CTIF: variants seen among roughly 807,000 people sequenced by gnomAD.
The protein encoded by CTIF is cap binding complex dependent translation initiation factor.
In CTIF, 21 loss-of-function variants were observed where a neutral mutation model predicts 66.0. The observed-to-expected ratio is 0.32, with a 90% confidence interval of 0.23 to 0.46. The LOEUF is 0.46. Among genes scored for constraint, CTIF ranks in the 20% least tolerant of loss-of-function variants. CTIF has a pLI of 1.00. For missense variants in CTIF, 739 were observed against 812.7 expected, an observed-to-expected ratio of 0.91 and a Z score of 1.10; for synonymous variants, 345 against 326.4, an observed-to-expected ratio of 1.06 and a Z score of -0.62.
At chr18:48,604,096 G>A (rs1325900962) in intron 1 of CTIF, among the ~76,000 whole-genome samples, 4 of 149,920 alleles carry the variant, frequency 2.7e-5, no homozygotes, top group Non-Finnish European at 4.4e-5. Flanking sequence ...TGCCCACCTC[G>A]GCCTCCCAAA....
intron 1 of CTIF, among the ~76,000 whole-genome samples, chr18:48,543,968 T>A (rs1439670502): frequency 6.6e-6 from 1 of 152,148 alleles, no homozygotes; most frequent in Non-Finnish European, 1.5e-5. Context: ...TTGGGAAATA[T>A]AGGGTGTCTT....
At chr18:48,569,744 A>G (rs938430441) in intron 1 of CTIF, among the ~76,000 whole-genome samples, 5 of 148,246 alleles carry the variant, frequency 3.4e-5, no homozygotes, top group Non-Finnish European at 5.9e-5. Context: ...AGGCACTTCA[A>G]CTTTGCTCCC....
intron 6 of CTIF, among the ~76,000 whole-genome samples, chr18:48,680,031 G>C (rs1038248286): frequency 6.6e-6 from 1 of 152,200 alleles, no homozygotes; most frequent in African/African-American, 2.4e-5. Context: ...TAGGGACTCA[G>C]CCGAATGCTC....
chr18:48,559,656 A>G (rs898109594), intron 1 of CTIF, among the ~76,000 whole-genome samples: 1 of 152,170 alleles, frequency 6.6e-6, no homozygotes, highest in Non-Finnish European at 1.5e-5. Flanking sequence ...GCACATTCTC[A>G]TGGCTGGCAA....
intron 1 of CTIF, among the ~76,000 whole-genome samples, chr18:48,547,242 A>G (rs963572123): frequency 6.6e-6 from 1 of 152,190 alleles, no homozygotes; most frequent in African/African-American, 2.4e-5. Context: ...CTCTTAGGAA[A>G]AAACTTCAGA....
chr18:48,672,691 T>C (rs2091555516), intron 6 of CTIF, among the ~76,000 whole-genome samples: 1 of 152,128 alleles, frequency 6.6e-6, no homozygotes, highest in Non-Finnish European at 1.5e-5. Context: ...CTCAAGCCCA[T>C]TGCCTACCTG....
chr18:48,600,522 C>T (rs905474656), intron 1 of CTIF, among the ~76,000 whole-genome samples: 4 of 152,232 alleles, frequency 2.6e-5, no homozygotes, highest in African/African-American at 9.6e-5. Flanking sequence ...GCCCATCTCT[C>T]ATTCGCCTTG....
intron 3 of CTIF, among the ~76,000 whole-genome samples, chr18:48,645,462 C>T (rs867634251): frequency 7.9e-5 from 12 of 152,284 alleles, no homozygotes; most frequent in Middle Eastern, 3.4e-3. Flanking sequence ...CCCCATCCAT[C>T]CCAGCCAAGA....
intron 9 of CTIF, among the ~76,000 whole-genome samples, chr18:48,787,939 T>C (rs543576174): frequency 6.6e-6 from 1 of 152,286 alleles, no homozygotes; most frequent in East Asian, 1.9e-4. Flanking sequence ...GTCCTCTGCG[T>C]TTGGTGTCTG....
At chr18:48,561,821 ACT>A (rs2089170286) in intron 1 of CTIF, among the ~76,000 whole-genome samples, 1 of 151,668 alleles carries the variant, frequency 6.6e-6, no homozygotes. Context: ...AATTACCCCC[ACT>A]CTATTTTTCT....
intron 10 of CTIF, among the ~76,000 whole-genome samples, chr18:48,857,076 A>C (rs2069345441): frequency 6.6e-6 from 1 of 152,218 alleles, no homozygotes; most frequent in Non-Finnish European, 1.5e-5. Context: ...TGTGGGTTTG[A>C]AAGTCTACAG....
intron 10 of CTIF, among the ~76,000 whole-genome samples, chr18:48,851,982 A>T (rs920173002): frequency 6.6e-6 from 1 of 152,130 alleles, no homozygotes; most frequent in African/African-American, 2.4e-5. Flanking sequence ...TAATTTACCT[A>T]GCACTTTGGA....
chr18:48,569,152 G>A (rs921258900), intron 1 of CTIF, among the ~76,000 whole-genome samples: 7 of 152,160 alleles, frequency 4.6e-5, no homozygotes, highest in African/African-American at 1.2e-4. Context: ...CCACTCTAAA[G>A]TCTTTTCTTC....
intron 9 of CTIF, among the ~76,000 whole-genome samples, chr18:48,767,200 A>C (rs1909651935): frequency 6.6e-6 from 1 of 152,206 alleles, no homozygotes; most frequent in Non-Finnish European, 1.5e-5. Context: ...GGGTTAGAGA[A>C]GGAACCAAAA....
intron 9 of CTIF, among the ~76,000 whole-genome samples, chr18:48,794,484 G>T (rs1164895223): frequency 6.6e-6 from 1 of 152,170 alleles, no homozygotes; most frequent in Non-Finnish European, 1.5e-5. Flanking sequence ...CCGGGGGAGG[G>T]GTTGCTGGGC....
At chr18:48,643,961 G>A (rs1017273153) in intron 3 of CTIF, among the ~76,000 whole-genome samples, 2 of 152,136 alleles carry the variant, frequency 1.3e-5, no homozygotes, top group East Asian at 1.9e-4. Flanking sequence ...TGCTTCAGAA[G>A]GCATCTCAGC....
chr18:48,792,089 C>T (rs1385816867), intron 9 of CTIF, among the ~76,000 whole-genome samples: 2 of 152,122 alleles, frequency 1.3e-5, no homozygotes, highest in African/African-American at 4.8e-5. Context: ...AGTAAATTTC[C>T]AAAAGGCTGT....
At chr18:48,683,866 A>G (rs761854734) in intron 6 of CTIF, among the ~76,000 whole-genome samples, 6 of 152,228 alleles carry the variant, frequency 3.9e-5, no homozygotes, top group Non-Finnish European at 7.3e-5. Flanking sequence ...TGTGGCCACC[A>G]GCCCTGAAAA....
chr18:48,638,987 G>A (rs1006329574), intron 3 of CTIF, among the ~76,000 whole-genome samples: 5 of 152,222 alleles, frequency 3.3e-5, no homozygotes, highest in Non-Finnish European at 5.9e-5. Flanking sequence ...GTGGCCGACT[G>A]ATCATCTCAG....
Sources: gnomAD v4.1 joint callset for allele counts (sites outside exome capture counted in the v4.1 genomes callset) on GRCh38, gnomAD v4.1.1 for gene constraint, MANE v1.5 for transcripts, NCBI Gene and HGNC (gene_info 2026-07-23, HGNC 2026-07-21) for gene names.